The following CCDC7 variants were observed in gnomAD, a reference collection of about 807,000 sequenced individuals.
CCDC7 encodes the protein coiled-coil domain containing 7.
In CCDC7, 183 loss-of-function variants were observed where a neutral mutation model predicts 196.9. The observed-to-expected ratio is 0.93, with a 90% confidence interval of 0.82 to 1.05. The LOEUF is 1.05. Among genes scored for constraint, CCDC7 ranks in the 50% least tolerant of loss-of-function variants. The pLI is 0.00. For synonymous variants in CCDC7, 525 were observed against 484.6 expected (o/e 1.08, Z -1.10); for missense variants, 1,540 against 1,482.2 (o/e 1.04, Z -0.64).
At chr10:32,629,831 A>C (rs1330475112) in intron 18 of CCDC7, among the ~76,000 whole-genome samples, 1 of 152,162 alleles carries the variant, frequency 6.6e-6, no homozygotes, top group Non-Finnish European at 1.5e-5. Context: ...CTCTTTTCAC[A>C]GTGATATTGT....
rs191988574 is a variant in CCDC7, at chr10:32,631,388, C to G, written c.1802-2866C>G. On this transcript the variant is annotated intron_variant, in intron 18 of 41. Transcript: ENST00000639629. Reference sequence around the variant, plus strand: ...ACATCTGTATATTCAGTTCCCAGCACTAGTTTTTGAAAATACTATTTTCTC... The same window carrying G: ...ACATCTGTATATTCAGTTCCCAGCAGTAGTTTTTGAAAATACTATTTTCTC... Among the ~76,000 whole-genome samples, 8 of 152,258 alleles carry G rather than the reference C, an allele frequency of 5.3e-5. No individual in the cohort carries two copies. The East Asian group carries it at 1.5e-3, about 29-fold the overall frequency.
intron 41 of CCDC7, among the ~76,000 whole-genome samples, chr10:32,869,630 G>T (rs2094347891): frequency 6.6e-6 from 1 of 152,058 alleles, no homozygotes; most frequent in African/African-American, 2.4e-5. Flanking sequence ...TAGACATGAA[G>T]TCCTTGCCCA....
intron 13 of CCDC7, among the ~76,000 whole-genome samples, chr10:32,556,745 C>T (rs923061796): frequency 6.6e-6 from 1 of 152,160 alleles, no homozygotes; most frequent in African/African-American, 2.4e-5. Flanking sequence ...TGTTTGCTTT[C>T]TTTAAAAATC....
intron 5 of CCDC7, among the ~76,000 whole-genome samples, chr10:32,469,493 A>G (rs2037503685): frequency 6.6e-6 from 1 of 152,216 alleles, no homozygotes; most frequent in Admixed American, 6.5e-5. Context: ...CTCACTGGGA[A>G]GGTGTCCATG....
chr10:32,456,354 T>A lies in CCDC7; in HGVS notation c.456+20T>A, dbSNP rs1270617640. The A allele has an allele frequency of 2.1e-6, 3 of 1,460,006 alleles. No homozygotes were observed. Among genetic ancestry groups the A allele is most frequent in the Non-Finnish European group, 1.8e-6 (2 of 1,087,464 alleles). The allele number at this position is 1,460,006 out of a possible 1,614,324, so 90.4% of individuals were successfully genotyped here. On this transcript the variant is annotated intron_variant, in intron 3 of 41. Transcript: ENST00000639629. ...CAAAATGTATGTATTCTGTATATAC[T>A]GTCAAGTATAAAATATCAAACTTGT...
At chr10:32,506,599 C>A (rs2045182550) in intron 9 of CCDC7, among the ~76,000 whole-genome samples, 1 of 152,208 alleles carries the variant, frequency 6.6e-6, no homozygotes, top group Non-Finnish European at 1.5e-5. Flanking sequence ...CGTCTGCAAT[C>A]CCAGCACCTC....
chr10:32,630,593 T>C (rs1345127714), intron 18 of CCDC7, among the ~76,000 whole-genome samples: 1 of 152,120 alleles, frequency 6.6e-6, no homozygotes, highest in Non-Finnish European at 1.5e-5. Context: ...ACTCCACTTA[T>C]AGCATTGAAC....
chr10:32,679,783 G>A (rs570187650), intron 21 of CCDC7, among the ~76,000 whole-genome samples: 109 of 152,298 alleles, frequency 7.2e-4, no homozygotes, highest in African/African-American at 2.5e-3. Flanking sequence ...TCCTCTGGTA[G>A]TGAGACATTT....
intron 25 of CCDC7, among the ~76,000 whole-genome samples, chr10:32,722,613 G>A (rs1397147456): frequency 1.3e-5 from 2 of 151,996 alleles, no homozygotes; most frequent in Non-Finnish European, 2.9e-5. Context: ...CAGTGTGTGT[G>A]GGTGCTCCAA....
At chr10:32,568,988 A>C (rs902917212) in intron 15 of CCDC7, among the ~76,000 whole-genome samples, 5 of 152,354 alleles carry the variant, frequency 3.3e-5, no homozygotes, top group African/African-American at 1.2e-4. Context: ...TTTATCTCCT[A>C]ATCCAAAACA....
intron 13 of CCDC7, among the ~76,000 whole-genome samples, chr10:32,557,152 T>C (rs1335737062): frequency 6.6e-6 from 1 of 152,220 alleles, no homozygotes; most frequent in African/African-American, 2.4e-5. Context: ...GGGGCATTTA[T>C]TCTGTAAAGA....
intron 30 of CCDC7, among the ~76,000 whole-genome samples, chr10:32,813,370 T>C (rs1389273287): frequency 1.3e-5 from 2 of 152,200 alleles, no homozygotes; most frequent in African/African-American, 2.4e-5. Context: ...ACGGATCCAA[T>C]AACAATTCTG....
chr10:32,854,030 CCT>C (rs1257422220), intron 40 of CCDC7, among the ~76,000 whole-genome samples: 1 of 151,916 alleles, frequency 6.6e-6, no homozygotes, highest in African/African-American at 2.4e-5. Flanking sequence ...AGCCCATGAC[CCT>C]CTCTCTCTCC....
At chr10:32,643,094 A>G (rs1371837249) in intron 20 of CCDC7, among the ~76,000 whole-genome samples, 1 of 152,164 alleles carries the variant, frequency 6.6e-6, no homozygotes, top group Admixed American at 6.5e-5. Flanking sequence ...TAGTTCTGAC[A>G]TTTACTAAGA....
intron 28 of CCDC7, among the ~76,000 whole-genome samples, chr10:32,770,205 G>A (rs149342767): frequency 1.1e-3 from 170 of 152,266 alleles, no homozygotes; most frequent in African/African-American, 3.9e-3. Flanking sequence ...CAGGAGCAAC[G>A]TTGGGTTGTT....
chr10:32,456,420 C>A, intron 3 of CCDC7, 86 bp downstream of exon 4: 5 of 1,076,032 alleles, frequency 4.6e-6, no homozygotes, highest in Non-Finnish European at 6.3e-6. Context: ...AGTCAGCCAA[C>A]ATTAATCTAG....
chr10:32,548,072 C>T lies in CCDC7; in HGVS notation c.1134+3771C>T, dbSNP rs140798087. 2.0e-3 allele frequency among the ~76,000 whole-genome samples: 303 copies of T among 152,228 alleles called. 5 individuals are homozygous for T. In the East Asian group the frequency reaches 0.04, roughly 20 times the overall value. ...TTGGTGCCGCCAAAGAAACAGCACTCGAACATAAATTTAATTTTCTCAGCA... is the reference window on the plus strand; with the variant it reads ...TTGGTGCCGCCAAAGAAACAGCACTTGAACATAAATTTAATTTTCTCAGCA... On this transcript the variant is annotated intron_variant, in intron 13 of 41. Coordinates refer to ENST00000639629, the Ensembl canonical transcript of CCDC7.
intron 22 of CCDC7, among the ~76,000 whole-genome samples, chr10:32,687,315 A>G (rs2076570463): frequency 6.6e-6 from 1 of 152,200 alleles, no homozygotes; most frequent in Non-Finnish European, 1.5e-5. Context: ...CAATCTCTAG[A>G]CACTTGTGGT....
intron 9 of CCDC7, among the ~76,000 whole-genome samples, chr10:32,501,207 G>GT (rs2043977551): frequency 6.6e-6 from 1 of 151,884 alleles, no homozygotes; most frequent in Admixed American, 6.6e-5. Flanking sequence ...CAAAGTTCTC[G>GT]TCCTGTGTTT....
Sources: allele counts gnomAD v4.1 joint callset (sites outside exome capture counted in the v4.1 genomes callset), GRCh38; gene constraint gnomAD v4.1.1; transcripts MANE v1.5; gene names NCBI Gene and HGNC (gene_info 2026-07-23, HGNC 2026-07-21).